Variants in ARHGEF26 observed in about 807,000 individuals in gnomAD.
The protein encoded by ARHGEF26 is Rho guanine nucleotide exchange factor (GEF) 26.
Under a neutral mutation model 89.4 loss-of-function variants are expected in ARHGEF26, and 59 were observed. That is an observed-to-expected ratio of 0.66 (90% CI 0.54 to 0.82). The LOEUF is 0.82. ARHGEF26 is among the 40% of genes least tolerant of loss of function. The probability of loss-of-function intolerance (pLI) is 0.00; values close to 1 mark genes in which losing one functional copy is unlikely to be tolerated. For missense variants in ARHGEF26, 1,234 were observed against 1,085.6 expected (o/e 1.14, Z -1.92); for synonymous variants, 500 against 428.4 (o/e 1.17, Z -2.06).
At position 154,149,300 on chromosome 3, in the gene ARHGEF26, G is replaced by A. The variant is rs985856496; in HGVS notation, c.1270-89G>A. 3.5e-6 allele frequency: 3 copies of A among 861,524 alleles called. No individual in the cohort carries two copies. In the East Asian group the frequency reaches 8.1e-5, roughly 23 times the overall value. 53.4% of individuals were successfully genotyped at this position (861,524 alleles called of 1,614,324 possible). A position where few individuals can be genotyped will look rare whatever the true frequency, so the allele number is the denominator to read the frequency against. Reference sequence around the variant, plus strand: ...GTATAGTTTCTCCTAATTCATTTTTGAAGGGCATAGAGTTATGCCTTGAAT... The same window carrying A: ...GTATAGTTTCTCCTAATTCATTTTTAAAGGGCATAGAGTTATGCCTTGAAT... On this transcript the variant is annotated intron_variant, in intron 4 of 14. Transcript: ENST00000465093.
intron 6 of ARHGEF26, among the ~76,000 whole-genome samples, chr3:154,185,556 A>G (rs533894537): frequency 6.6e-6 from 1 of 152,166 alleles, no homozygotes; most frequent in Non-Finnish European, 1.5e-5. Flanking sequence ...GGGTGCAGGT[A>G]CTGCAGACCA....
rs531518566 is a variant in ARHGEF26 at position 154,227,426 on chromosome 3, C to T, written c.2090+1416C>T. ...TTCTCCTGCCTCAGCCTCTCGCAGGCGCCCGCTACCACACCCAGCTAATTT... is the reference window on the plus strand; with the variant it reads ...TTCTCCTGCCTCAGCCTCTCGCAGGTGCCCGCTACCACACCCAGCTAATTT... On this transcript the variant is annotated intron_variant, in intron 11 of 14. Coordinates refer to ENST00000465093, the MANE Select transcript of ARHGEF26 (RefSeq NM_015595.4). Among the ~76,000 whole-genome samples, 4 of 151,664 alleles carry T rather than the reference C, an allele frequency of 2.6e-5. No individual in the cohort carries two copies. In the South Asian group the frequency reaches 6.2e-4, roughly 24 times the overall value.
At chr3:154,201,782 T>G (rs895912844) in intron 9 of ARHGEF26, among the ~76,000 whole-genome samples, 20 of 152,240 alleles carry the variant, frequency 1.3e-4, no homozygotes, top group African/African-American at 4.8e-4. Flanking sequence ...TCATGTGTCT[T>G]TTGGCTGCAT....
chr3:154,162,527 T>C (rs1436658106), intron 6 of ARHGEF26, among the ~76,000 whole-genome samples: 1 of 152,152 alleles, frequency 6.6e-6, no homozygotes, highest in Non-Finnish European at 1.5e-5. Flanking sequence ...TTTGCTATAA[T>C]GTTGATGAGG....
intron 3 of ARHGEF26, among the ~76,000 whole-genome samples, chr3:154,126,688 A>T (rs898219154): frequency 3.9e-5 from 6 of 152,172 alleles, no homozygotes; most frequent in Non-Finnish European, 8.8e-5. Context: ...CTTGATTTGG[A>T]CTGTCTGGCT....
chr3:154,153,614 G>A (rs527691460), intron 6 of ARHGEF26, among the ~76,000 whole-genome samples: 1 of 152,010 alleles, frequency 6.6e-6, no homozygotes, highest in East Asian at 1.9e-4. Context: ...TTTTGTACGT[G>A]TAAGTAGTAG....
At chr3:154,124,921 T>C (rs1004243034) in intron 3 of ARHGEF26, among the ~76,000 whole-genome samples, 1 of 152,030 alleles carries the variant, frequency 6.6e-6, no homozygotes. Flanking sequence ...CTCTCCTGGC[T>C]GACAAAAACA....
Position 154,255,616 on chromosome 3 carries a change from T to A in ARHGEF26, c.*143T>A. Reference sequence around the variant, plus strand: ...ACTTGCCTTTAAGCTTGCCAGGTTGTTCTGCTCTCTCATGAGAAGAGCTTG... The same window carrying A: ...ACTTGCCTTTAAGCTTGCCAGGTTGATCTGCTCTCTCATGAGAAGAGCTTG... On this transcript the variant is annotated 3_prime_UTR_variant, in exon 15 of 15. Transcript: ENST00000465093. The A allele has an allele frequency of 6.9e-7, 1 of 1,449,816 alleles. No homozygotes were observed. The highest frequency in any genetic ancestry group is 9.0e-7 in the Non-Finnish European group (1 of 1,106,602). The allele number at this position is 1,449,816 out of a possible 1,614,324, so 89.8% of individuals were successfully genotyped here.
At chr3:154,145,219 T>C (rs138019857) in intron 4 of ARHGEF26, among the ~76,000 whole-genome samples, 1 of 152,222 alleles carries the variant, frequency 6.6e-6, no homozygotes, top group Non-Finnish European at 1.5e-5. Flanking sequence ...ACTCTCAAAC[T>C]GCTGCTGTTC....
chr3:154,212,303 C>T (rs1715422210), intron 9 of ARHGEF26, among the ~76,000 whole-genome samples: 1 of 148,910 alleles, frequency 6.7e-6, no homozygotes, highest in African/African-American at 2.5e-5. Context: ...GATCACACCA[C>T]TGTACTACAA....
At chr3:154,142,800 C>CA (rs771137210) in intron 4 of ARHGEF26, among the ~76,000 whole-genome samples, 5 of 152,226 alleles carry the variant, frequency 3.3e-5, no homozygotes, top group Non-Finnish European at 5.9e-5. Flanking sequence ...GCATCATTCT[C>CA]AGTTACGCAG....
chr3:154,159,918 G>T (rs1181347609), intron 6 of ARHGEF26, among the ~76,000 whole-genome samples: 1 of 152,036 alleles, frequency 6.6e-6, no homozygotes, highest in African/African-American at 2.4e-5. Flanking sequence ...TTTAATTTTT[G>T]CCCTGAAGTA....
chr3:154,170,397 C>T (rs529824310), intron 6 of ARHGEF26, among the ~76,000 whole-genome samples: 10 of 152,072 alleles, frequency 6.6e-5, no homozygotes, highest in South Asian at 4.2e-4. Context: ...ACAAACAAAC[C>T]CATGACTTCC....
intron 8 of ARHGEF26, among the ~76,000 whole-genome samples, chr3:154,194,045 C>T (rs1022926584): frequency 1.3e-5 from 2 of 151,972 alleles, no homozygotes; most frequent in Admixed American, 6.6e-5. Flanking sequence ...TTCCATATTG[C>T]CCTGGCTCCT....
At position 154,255,622 on chromosome 3, in the gene ARHGEF26, T is replaced by C. The variant is rs1718452071; in HGVS notation, c.*149T>C. 1 of 1,444,298 alleles carries C rather than the reference T, an allele frequency of 6.9e-7. No homozygotes were observed. The allele number at this position is 1,444,298 out of a possible 1,614,324, so 89.5% of individuals were successfully genotyped here. A position where few individuals can be genotyped will look rare whatever the true frequency, so the allele number is the denominator to read the frequency against. On this transcript the variant is annotated 3_prime_UTR_variant, in exon 15 of 15. Transcript: ENST00000465093. ...CTTTAAGCTTGCCAGGTTGTTCTGC[T>C]CTCTCATGAGAAGAGCTTGGATACA...
chr3:154,152,833 G>T lies in ARHGEF26; in HGVS notation c.1388G>T (p.Arg463Leu), dbSNP rs562212403. The T allele has an allele frequency of 6.4e-7, 1 of 1,574,538 alleles. No individual in the cohort carries two copies. The highest frequency in any genetic ancestry group is 8.6e-7 in the Non-Finnish European group (1 of 1,158,914). Residue 463 changes from arginine to leucine, a missense_variant, in exon 6 of 15, where the codon CGA (arginine) becomes CTA (leucine). Transcript: ENST00000465093. ...TTACTCAGCTTGGAGATCTTGATAC[G>T]AATGTTTAAAAATTCTAAAGAACTG... ...SYLLSLEILIRMFKNSKELSD... is the reference protein window; with the variant it reads ...SYLLSLEILILMFKNSKELSD...
chr3:154,175,433 TAA>T (rs11328841), intron 6 of ARHGEF26, among the ~76,000 whole-genome samples: 1 of 149,930 alleles, frequency 6.7e-6, no homozygotes, highest in Non-Finnish European at 1.5e-5. Flanking sequence ...AAGCTAGTGT[TAA>T]AAAAAAAAGT....
intron 10 of ARHGEF26, among the ~76,000 whole-genome samples, chr3:154,219,570 G>C (rs1715985026): frequency 6.6e-6 from 1 of 150,740 alleles, no homozygotes; most frequent in Non-Finnish European, 1.5e-5. Flanking sequence ...ACTCCAGCCT[G>C]GGCAAAAGAG....
In ARHGEF26 at chr3:154,256,572, A is replaced by AC. The variant is rs1421485051; in HGVS notation, c.*1099_*1100insC. ...TTAAAAAAAAAAAAAAAAAAAAAAAAAAACCTTCCCAAATGAGCTGATAAA... is the reference window on the plus strand; with the variant it reads ...TTAAAAAAAAAAAAAAAAAAAAAAAACAAACCTTCCCAAATGAGCTGATAAA... On this transcript the variant is annotated 3_prime_UTR_variant, in exon 15 of 15. Coordinates refer to ENST00000465093, the MANE Select transcript of ARHGEF26 (RefSeq NM_015595.4). 16 of 986,666 alleles carry AC rather than the reference A, an allele frequency of 1.6e-5. No individual in the cohort carries two copies. The Admixed American group carries it at 3.6e-4, about 22-fold the overall frequency. 61.1% of individuals were successfully genotyped at this position (986,666 alleles called of 1,614,324 possible). A position where few individuals can be genotyped will look rare whatever the true frequency, so the allele number is the denominator to read the frequency against.
Sources: gnomAD v4.1 joint callset for allele counts (sites outside exome capture counted in the v4.1 genomes callset) on GRCh38, gnomAD v4.1.1 for gene constraint, MANE v1.5 for transcripts, NCBI Gene and HGNC (gene_info 2026-07-23, HGNC 2026-07-21) for gene names.